PBX1: variants seen among roughly 807,000 people sequenced by gnomAD.
PBX1 encodes the protein pre-B-cell leukemia transcription factor 1.
Under a neutral mutation model 53.4 loss-of-function variants are expected in PBX1, and 6 were observed. The observed-to-expected ratio is 0.11, with a 90% confidence interval of 0.06 to 0.22. The LOEUF (loss-of-function observed/expected upper bound fraction) is 0.22. Among genes scored for constraint, PBX1 ranks in the 10% least tolerant of loss-of-function variants. PBX1 has a pLI of 1.00. For missense variants in PBX1, 251 were observed against 551.4 expected, an observed-to-expected ratio of 0.46 and a Z score of 5.46; for synonymous variants, 204 against 212.3, an observed-to-expected ratio of 0.96 and a Z score of 0.34.
At chr1:164,705,460 T>G (rs186601306) in intron 2 of PBX1, among the ~76,000 whole-genome samples, 1 of 152,312 alleles carries the variant, frequency 6.6e-6, no homozygotes, top group East Asian at 1.9e-4. Context: ...TCTTTAAAAT[T>G]TTTCATATAA....
chr1:164,783,469 T>G lies in PBX1; in HGVS notation c.266-9025T>G, dbSNP rs74992603. Among the ~76,000 whole-genome samples, 411 of 152,262 alleles carry G rather than the reference T, an allele frequency of 2.7e-3. 4 individuals are homozygous for G. In the East Asian group the frequency reaches 0.056, roughly 21 times the overall value. ...TCCTGGTTTCTTCTGTGTTGTTGAT[T>G]CCTAACGCGCAGAAAAACCAAACTC... On this transcript the variant is annotated intron_variant, in intron 2 of 8. Coordinates refer to ENST00000420696, the MANE Select transcript of PBX1 (RefSeq NM_002585.4).
At chr1:164,732,907 A>T (rs1665076351) in intron 2 of PBX1, among the ~76,000 whole-genome samples, 1 of 151,936 alleles carries the variant, frequency 6.6e-6, no homozygotes, top group African/African-American at 2.4e-5. Context: ...CACTTCCTCA[A>T]CCCACTTTGG....
intron 2 of PBX1, among the ~76,000 whole-genome samples, chr1:164,586,890 G>C (rs887243826): frequency 1.5e-4 from 23 of 152,146 alleles, no homozygotes; most frequent in African/African-American, 5.1e-4. Context: ...GAGGGAACTT[G>C]AAAATAGAGG....
At chr1:164,744,310 C>T (rs769775750) in intron 2 of PBX1, among the ~76,000 whole-genome samples, 1 of 152,114 alleles carries the variant, frequency 6.6e-6, no homozygotes, top group Non-Finnish European at 1.5e-5. Flanking sequence ...TCCATAGTTC[C>T]TTACTGCCTT....
At chr1:164,840,767 C>T (rs929825240) in intron 8 of PBX1, among the ~76,000 whole-genome samples, 1 of 152,262 alleles carries the variant, frequency 6.6e-6, no homozygotes, top group East Asian at 1.9e-4. Flanking sequence ...GTAAGAGAAA[C>T]GTTCACTGCC....
At position 164,849,468 on chromosome 1, in the gene PBX1, G is replaced by A. The variant is rs553017437; in HGVS notation, c.*2792G>A. ...AGCAGGATGGGTTTGGAAAGAGCAT[G>A]CCTCTGGAAACACAGCTTCCTGGGA... On this transcript the variant is annotated 3_prime_UTR_variant, in exon 9 of 9. Coordinates refer to ENST00000420696, the MANE Select transcript of PBX1 (RefSeq NM_002585.4). 7.2e-5 allele frequency: 110 copies of A among 1,533,500 alleles called. No individual in the cohort carries two copies. In the African/African-American group the frequency reaches 1.3e-3, roughly 18 times the overall value. The allele number at this position is 1,533,500 out of a possible 1,614,324, so 95.0% of individuals were successfully genotyped here.
intron 6 of PBX1, chr1:164,813,565 T>C (rs1489969239): frequency 6.6e-6 from 1 of 152,236 alleles, no homozygotes. Flanking sequence ...AGTTGAACTG[T>C]GCTGCTAGGC....
intron 2 of PBX1, among the ~76,000 whole-genome samples, chr1:164,714,166 T>G (rs1401529274): frequency 2.0e-5 from 3 of 152,254 alleles, no homozygotes; most frequent in Non-Finnish European, 2.9e-5. Context: ...ATAAATGATT[T>G]TGGTTAATGC....
chr1:164,731,186 C>A (rs904345697), intron 2 of PBX1, among the ~76,000 whole-genome samples: 7 of 152,112 alleles, frequency 4.6e-5, no homozygotes, highest in African/African-American at 1.7e-4. Flanking sequence ...GCTCTAGGGA[C>A]TTCTCCATAA....
chr1:164,855,613 G>A (rs1671960948), downstream of PBX1, among the ~76,000 whole-genome samples: 1 of 152,188 alleles, frequency 6.6e-6, no homozygotes, highest in South Asian at 2.1e-4. Flanking sequence ...CATGGAACAT[G>A]ACCAGTGGTA....
intron 2 of PBX1, among the ~76,000 whole-genome samples, chr1:164,673,593 C>A (rs1172670190): frequency 2.6e-5 from 4 of 151,702 alleles, no homozygotes; most frequent in African/African-American, 9.7e-5. Context: ...GCCTCAGCCT[C>A]CTGAGTAGCT....
chr1:164,842,649 T>A (rs1671359148), intron 8 of PBX1, among the ~76,000 whole-genome samples: 1 of 152,170 alleles, frequency 6.6e-6, no homozygotes, highest in Non-Finnish European at 1.5e-5. Flanking sequence ...TCCCAGGTGT[T>A]GCATCACAGG....
intron 3 of PBX1, 93 bp downstream of exon 3, chr1:164,792,831 C>G: frequency 1.0e-6 from 1 of 960,826 alleles, no homozygotes; most frequent in Non-Finnish European, 1.5e-6. Context: ...AGCGGCTCAC[C>G]TTTCCCAGGT....
intron 5 of PBX1, among the ~76,000 whole-genome samples, chr1:164,807,886 A>T (rs1669432758): frequency 6.6e-6 from 1 of 152,256 alleles, no homozygotes; most frequent in African/African-American, 2.4e-5. Flanking sequence ...AACCAGCAGA[A>T]GGAAGAGAAG....
chr1:164,593,045 T>C (rs534178973), intron 2 of PBX1, among the ~76,000 whole-genome samples: 2 of 151,898 alleles, frequency 1.3e-5, no homozygotes, highest in Non-Finnish European at 2.9e-5. Flanking sequence ...GCAACCTCTG[T>C]CTCCTGGGTT....
intron 2 of PBX1, among the ~76,000 whole-genome samples, chr1:164,632,954 C>T (rs757197902): frequency 6.6e-6 from 1 of 152,102 alleles, no homozygotes; most frequent in Non-Finnish European, 1.5e-5. Flanking sequence ...CTTTGGAAAT[C>T]CCCAGTCTTG....
intron 2 of PBX1, among the ~76,000 whole-genome samples, chr1:164,784,330 C>T (rs899443094): frequency 6.6e-6 from 1 of 152,204 alleles, no homozygotes; most frequent in African/African-American, 2.4e-5. Flanking sequence ...GCAGCCGGCA[C>T]CCATCCAGAA....
At chr1:164,808,909 T>C (rs187994735) in intron 5 of PBX1, among the ~76,000 whole-genome samples, 2 of 152,246 alleles carry the variant, frequency 1.3e-5, no homozygotes, top group East Asian at 1.9e-4. Flanking sequence ...TGGAGGTCAT[T>C]TTTAGTCTTG....
At chr1:164,666,736 A>C (rs920219696) in intron 2 of PBX1, among the ~76,000 whole-genome samples, 1 of 152,168 alleles carries the variant, frequency 6.6e-6, no homozygotes, top group African/African-American at 2.4e-5. Context: ...TGAATTTTTA[A>C]ATTGGAAAGG....
Sources: gnomAD v4.1 joint callset for allele counts (sites outside exome capture counted in the v4.1 genomes callset) on GRCh38, gnomAD v4.1.1 for gene constraint, MANE v1.5 for transcripts, NCBI Gene and HGNC (gene_info 2026-07-23, HGNC 2026-07-21) for gene names.